Variants in CNTNAP2 observed in about 807,000 individuals in gnomAD.
CNTNAP2 encodes the protein contactin associated protein 2.
CNTNAP2 carries 98 observed loss-of-function variants against 155.2 expected under a neutral mutation model. That is an observed-to-expected ratio of 0.63 (90% confidence interval 0.54 to 0.75). The LOEUF is 0.75. Ranked by LOEUF, CNTNAP2 falls within the 30% of genes least tolerant of loss-of-function variation. The pLI is 0.00. For missense variants in CNTNAP2, 1,727 were observed against 1,688.1 expected (o/e 1.02, Z -0.40); for synonymous variants, 651 against 631.2 (o/e 1.03, Z -0.47).
chr7:147,953,155 G>A lies in CNTNAP2; in HGVS notation c.2256-24707G>A, dbSNP rs143068970. Among the ~76,000 whole-genome samples the A allele has an allele frequency of 3.1e-3, 467 of 152,244 alleles. 3 individuals carry two copies. The highest frequency in any genetic ancestry group is 9.8e-3 in the African/African-American group (406 of 41,534). On this transcript the variant is annotated intron_variant, in intron 14 of 23. Transcript: ENST00000361727. ...CGTTGCTACGTGTCTTGCTCACTTT[G>A]CGTTTTCTTAGTTTCATAGGAAGCA...
chr7:146,703,154 T>G (rs934398305), intron 1 of CNTNAP2, among the ~76,000 whole-genome samples: 2 of 152,196 alleles, frequency 1.3e-5, no homozygotes, highest in Non-Finnish European at 2.9e-5. Context: ...TGTACTCACA[T>G]TCAATCAACT....
At chr7:147,275,024 AT>A (rs1804864495) in intron 8 of CNTNAP2, among the ~76,000 whole-genome samples, 1 of 151,804 alleles carries the variant, frequency 6.6e-6, no homozygotes, top group South Asian at 2.1e-4. Flanking sequence ...CTGTGTGTCT[AT>A]TTTTATACCA....
At chr7:147,856,790 C>T (rs746449501) in intron 13 of CNTNAP2, among the ~76,000 whole-genome samples, 1 of 152,070 alleles carries the variant, frequency 6.6e-6, no homozygotes, top group Non-Finnish European at 1.5e-5. Context: ...TAATAAAACT[C>T]AGGAAATTTT....
chr7:146,800,726 A>C (rs375601558), intron 2 of CNTNAP2, among the ~76,000 whole-genome samples: 1 of 152,314 alleles, frequency 6.6e-6, no homozygotes. Flanking sequence ...ATTCTCACAT[A>C]GAGTTTAAAT....
intron 15 of CNTNAP2, among the ~76,000 whole-genome samples, chr7:148,046,841 G>A (rs1051884974): frequency 2.6e-5 from 4 of 152,090 alleles, no homozygotes; most frequent in African/African-American, 4.8e-5. Context: ...ACAGAAGAAT[G>A]TTCTTCAATT....
intron 1 of CNTNAP2, among the ~76,000 whole-genome samples, chr7:146,423,113 T>C (rs572843253): frequency 1.3e-5 from 2 of 152,128 alleles, no homozygotes; most frequent in Non-Finnish European, 2.9e-5. Context: ...TTATTTTACA[T>C]TCCTTTCTTT....
chr7:147,611,202 T>C (rs1377525905), intron 12 of CNTNAP2, among the ~76,000 whole-genome samples: 4 of 152,270 alleles, frequency 2.6e-5, no homozygotes, highest in East Asian at 1.9e-4. Context: ...GGATCCAAGA[T>C]GACATTTACT....
At chr7:147,552,872 T>C (rs1229339887) in intron 11 of CNTNAP2, among the ~76,000 whole-genome samples, 2 of 152,194 alleles carry the variant, frequency 1.3e-5, no homozygotes, top group African/African-American at 2.4e-5. Context: ...TTTGAGCAGA[T>C]GGCAGTGACA....
chr7:148,237,832 C>T (rs1796070279), intron 20 of CNTNAP2, among the ~76,000 whole-genome samples: 5 of 152,268 alleles, frequency 3.3e-5, no homozygotes, highest in South Asian at 2.1e-4. Context: ...TAGTTCACCA[C>T]TTTCTATATG....
chr7:148,249,657 G>T (rs1796332553), intron 20 of CNTNAP2, among the ~76,000 whole-genome samples: 1 of 152,030 alleles, frequency 6.6e-6, no homozygotes, highest in South Asian at 2.1e-4. Flanking sequence ...CCCACAACCT[G>T]CCCTGCTTAT....
intron 1 of CNTNAP2, among the ~76,000 whole-genome samples, chr7:146,478,674 C>G (rs912356613): frequency 4.6e-5 from 7 of 151,800 alleles, no homozygotes; most frequent in African/African-American, 1.5e-4. Context: ...CCCTCTTCCC[C>G]TCTACACACA....
At chr7:147,857,303 G>A (rs1304594506) in intron 13 of CNTNAP2, among the ~76,000 whole-genome samples, 1 of 152,106 alleles carries the variant, frequency 6.6e-6, no homozygotes, top group African/African-American at 2.4e-5. Flanking sequence ...GTTAATGTTA[G>A]TTGTTTTACT....
At chr7:146,268,262 T>G (rs113174050) in intron 1 of CNTNAP2, among the ~76,000 whole-genome samples, 120 of 152,292 alleles carry the variant, frequency 7.9e-4, no homozygotes, top group African/African-American at 2.7e-3. Flanking sequence ...TTATCGTAGT[T>G]ACCTTTGCTC....
intron 21 of CNTNAP2, among the ~76,000 whole-genome samples, chr7:148,311,950 A>G (rs577232933): frequency 4.6e-5 from 7 of 152,332 alleles, no homozygotes; most frequent in South Asian, 2.1e-4. Flanking sequence ...GGCCAGGAAC[A>G]ATGGTAATTG....
chr7:147,032,501 A>T (rs1799054674), intron 3 of CNTNAP2, among the ~76,000 whole-genome samples: 1 of 152,190 alleles, frequency 6.6e-6, no homozygotes, highest in African/African-American at 2.4e-5. Flanking sequence ...TGAGAATCAG[A>T]TGTTGATGAC....
intron 2 of CNTNAP2, among the ~76,000 whole-genome samples, chr7:146,829,272 T>A (rs1295277483): frequency 2.0e-5 from 3 of 152,072 alleles, no homozygotes; most frequent in Non-Finnish European, 2.9e-5. Context: ...TTTGTTTGCC[T>A]AATTGCCAGA....
rs10257568 is a variant in CNTNAP2 at position 147,601,545 on chromosome 7, C to A, written c.1898-37561C>A. 2.0e-3 allele frequency among the ~76,000 whole-genome samples: 298 copies of A among 150,944 alleles called. 1 individual carries two copies. The highest frequency in any genetic ancestry group is 0.01 in the Middle Eastern group (3 of 290). On this transcript the variant is annotated intron_variant, in intron 12 of 23. Coordinates refer to ENST00000361727, the MANE Select transcript of CNTNAP2 (RefSeq NM_014141.6). Reference sequence around the variant, plus strand: ...TTACTTCAGGCCATCTGGATGTATACGTGCAGGTCACAGGTGATATGATGG... The same window carrying A: ...TTACTTCAGGCCATCTGGATGTATAAGTGCAGGTCACAGGTGATATGATGG...
At chr7:147,150,313 G>A (rs184919256) in intron 8 of CNTNAP2, among the ~76,000 whole-genome samples, 12 of 152,150 alleles carry the variant, frequency 7.9e-5, no homozygotes, top group South Asian at 2.1e-4. Context: ...CCAGCAAAAA[G>A]ACAGAGAATG....
chr7:147,418,002 T>G (rs1027261274), intron 10 of CNTNAP2, among the ~76,000 whole-genome samples: 1 of 152,250 alleles, frequency 6.6e-6, no homozygotes, highest in African/African-American at 2.4e-5. Flanking sequence ...AATTCATGTT[T>G]CTCTAGGTAA....
Sources: allele counts gnomAD v4.1 joint callset (sites outside exome capture counted in the v4.1 genomes callset), GRCh38; gene constraint gnomAD v4.1.1; transcripts MANE v1.5; gene names NCBI Gene and HGNC (gene_info 2026-07-23, HGNC 2026-07-21).